The following PDS5B variants were observed in gnomAD, a reference collection of about 807,000 sequenced individuals.
PDS5B encodes PDS5 cohesin associated factor B, also known as sister chromatid cohesion protein PDS5 homolog B.
PDS5B carries 51 observed loss-of-function variants against 184.1 expected under a neutral mutation model. The ratio of observed to expected loss-of-function variants is 0.28; its 90% CI spans 0.22 to 0.35. The LOEUF is 0.35. Ranked by LOEUF, PDS5B falls within the 10% of genes least tolerant of loss-of-function variation. The probability of loss-of-function intolerance (pLI) is 1.00; values close to 1 mark genes in which losing one functional copy is unlikely to be tolerated. For missense variants in PDS5B, 1,180 were observed against 1,723.3 expected, an observed-to-expected ratio of 0.68 and a Z score of 5.58; for synonymous variants, 566 against 569.2, an observed-to-expected ratio of 0.99 and a Z score of 0.08.
At chr13:32,764,752 T>C (rs906764377) in intron 31 of PDS5B, among the ~76,000 whole-genome samples, 158 bp downstream of exon 31, 19 of 152,186 alleles carry the variant, frequency 1.2e-4, no homozygotes, top group Admixed American at 5.9e-4. Flanking sequence ...ATCCTCTATG[T>C]AATTTAAGTA....
intron 19 of PDS5B, among the ~76,000 whole-genome samples, chr13:32,720,968 A>G (rs1952655243): frequency 1.3e-5 from 2 of 152,206 alleles, no homozygotes; most frequent in South Asian, 4.1e-4. Flanking sequence ...GGGTAAGGTT[A>G]TAGATTAACA....
chr13:32,626,890 A>G (rs1436011227), intron 1 of PDS5B, among the ~76,000 whole-genome samples: 1 of 152,238 alleles, frequency 6.6e-6, no homozygotes, highest in Non-Finnish European at 1.5e-5. Flanking sequence ...ATGCTTAAAT[A>G]GTGACATATG....
At chr13:32,636,019 T>C (rs1219670234) in intron 1 of PDS5B, among the ~76,000 whole-genome samples, 1 of 152,040 alleles carries the variant, frequency 6.6e-6, no homozygotes, top group Non-Finnish European at 1.5e-5. Context: ...TCTGCCTCCC[T>C]CGGCCTCCCA....
At chr13:32,769,116 C>T (rs1954690547) in intron 31 of PDS5B, among the ~76,000 whole-genome samples, 1 of 151,644 alleles carries the variant, frequency 6.6e-6, no homozygotes, top group Admixed American at 6.6e-5. Flanking sequence ...GAGTGAGACT[C>T]CATCTCAAAA....
rs765759745 is a variant in PDS5B, at chr13:32,758,644, A to T, written c.3300A>T (p.Gln1100His). The T allele has an allele frequency of 3.8e-5, 61 of 1,613,520 alleles. No homozygotes were observed. In the Admixed American group the frequency reaches 9.5e-4, roughly 25 times the overall value. ...TACTACCAGCTCGTTTCTTCACTCA[A>T]CCTGACAAGGTAGTTACTTTACAAT... ...DPVLPARFFT[Q>H]PDKNFSNTKN... Residue 1100 changes from glutamine to histidine, a missense_variant, in exon 28 of 35, where the codon CAA becomes CAT. Transcript: ENST00000315596.
chr13:32,759,727 G>T, intron 29 of PDS5B, 37 bp downstream of exon 29: 2 of 1,110,228 alleles, frequency 1.8e-6, no homozygotes, highest in Non-Finnish European at 2.7e-6. Context: ...TTATGTGGTA[G>T]CTTATTTTAG....
chr13:32,587,046 G>A (rs2057695207), intron 1 of PDS5B, among the ~76,000 whole-genome samples: 1 of 145,876 alleles, frequency 6.9e-6, no homozygotes, highest in African/African-American at 2.5e-5. Flanking sequence ...GCCGGCCGGC[G>A]GCTGTTTCCC....
chr13:32,762,795 A>G (rs992064175), intron 30 of PDS5B, among the ~76,000 whole-genome samples: 5 of 151,958 alleles, frequency 3.3e-5, no homozygotes, highest in Non-Finnish European at 7.4e-5. Context: ...GTCGTATTTG[A>G]CTAGTTTACT....
chr13:32,718,955 A>G (rs1043836630), intron 19 of PDS5B, among the ~76,000 whole-genome samples: 1 of 152,230 alleles, frequency 6.6e-6, no homozygotes, highest in East Asian at 1.9e-4. Context: ...ATAATTAGCA[A>G]GCAGTTTTGA....
intron 1 of PDS5B, among the ~76,000 whole-genome samples, chr13:32,597,287 C>T (rs2057892249): frequency 6.6e-6 from 1 of 151,112 alleles, no homozygotes; most frequent in African/African-American, 2.4e-5. Context: ...AAGTGATCTT[C>T]CTGCCTCAGC....
At chr13:32,614,865 G>T (rs1008879357) in intron 1 of PDS5B, among the ~76,000 whole-genome samples, 12 of 152,074 alleles carry the variant, frequency 7.9e-5, no homozygotes, top group African/African-American at 1.7e-4. Flanking sequence ...TAATCCTGTT[G>T]GAAGTCTTGT....
intron 12 of PDS5B, among the ~76,000 whole-genome samples, chr13:32,687,743 C>T (rs192953278): frequency 6.6e-6 from 1 of 152,054 alleles, no homozygotes; most frequent in South Asian, 2.1e-4. Flanking sequence ...CCATTCCAGG[C>T]TAAGATTAGA....
intron 1 of PDS5B, among the ~76,000 whole-genome samples, chr13:32,607,791 C>T (rs2058082790): frequency 6.6e-6 from 1 of 152,228 alleles, no homozygotes; most frequent in Non-Finnish European, 1.5e-5. Context: ...TCACTGCTGC[C>T]TTGCAGTTCG....
chr13:32,727,118 CTTCTA>C (rs1168998503), intron 19 of PDS5B, among the ~76,000 whole-genome samples: 7 of 152,018 alleles, frequency 4.6e-5, no homozygotes, highest in African/African-American at 4.8e-5. Context: ...TAGTTTTCCT[CTTCTA>C]TTCTTTATGT....
chr13:32,597,698 T>G (rs969807802), intron 1 of PDS5B, among the ~76,000 whole-genome samples: 2 of 151,410 alleles, frequency 1.3e-5, no homozygotes, highest in Admixed American at 1.3e-4. Flanking sequence ...AATACAAAAA[T>G]TAGTTGGGCA....
chr13:32,777,264 T>G lies in PDS5B; in HGVS notation c.*2212T>G, dbSNP rs969951210. On this transcript the variant is annotated 3_prime_UTR_variant, in exon 35 of 35. Transcript: ENST00000315596. Reference sequence around the variant, plus strand: ...AAAATGTTCATTGTAGATTTTGTTATGTTCAATGCCAATGAGTCTGTAATT... The same window carrying G: ...AAAATGTTCATTGTAGATTTTGTTAGGTTCAATGCCAATGAGTCTGTAATT... The G allele has an allele frequency of 6.6e-6, 1 of 152,008 alleles. No individual in the cohort carries two copies. Among genetic ancestry groups the G allele is most frequent in the Non-Finnish European group, 1.5e-5 (1 of 67,834 alleles). 9.4% of individuals were successfully genotyped at this position (152,008 alleles called of 1,614,324 possible). A position where few individuals can be genotyped will look rare whatever the true frequency, so the allele number is the denominator to read the frequency against.
chr13:32,739,435 T>A (rs570120778), intron 21 of PDS5B, among the ~76,000 whole-genome samples: 20 of 152,352 alleles, frequency 1.3e-4, no homozygotes, highest in African/African-American at 4.6e-4. Flanking sequence ...AATAAAGTTT[T>A]TAAGATTATG....
intron 1 of PDS5B, among the ~76,000 whole-genome samples, chr13:32,617,801 A>C (rs2058241047): frequency 6.6e-6 from 1 of 152,186 alleles, no homozygotes; most frequent in African/African-American, 2.4e-5. Flanking sequence ...GTGTGCTGCT[A>C]ATCTTACTGT....
At chr13:32,695,423 A>G (rs999493694) in intron 14 of PDS5B, among the ~76,000 whole-genome samples, 1 of 151,978 alleles carries the variant, frequency 6.6e-6, no homozygotes, top group Non-Finnish European at 1.5e-5. Context: ...GCCAATAAGC[A>G]TGTTTCAGTT....
Sources: gnomAD v4.1 joint callset for allele counts (sites outside exome capture counted in the v4.1 genomes callset) on GRCh38, gnomAD v4.1.1 for gene constraint, MANE v1.5 for transcripts, NCBI Gene and HGNC (gene_info 2026-07-23, HGNC 2026-07-21) for gene names.